Variants in AMPD3 observed in about 807,000 individuals in gnomAD.
AMPD3 encodes AMP deaminase 3.
AMPD3 carries 57 observed loss-of-function variants against 82.3 expected under a neutral mutation model. The observed-to-expected ratio is 0.69, with a 90% confidence interval of 0.56 to 0.86. The LOEUF (loss-of-function observed/expected upper bound fraction) is 0.86, where lower values mean the gene tolerates loss of function less well. AMPD3 is among the 40% of genes least tolerant of loss of function. The pLI, the probability that AMPD3 is intolerant of heterozygous loss-of-function variation, is 0.00. For missense variants in AMPD3, 870 were observed against 1,003.8 expected, an observed-to-expected ratio of 0.87 and a Z score of 1.80; for synonymous variants, 381 against 394.7, an observed-to-expected ratio of 0.97 and a Z score of 0.41.
intron 2 of AMPD3, among the ~76,000 whole-genome samples, chr11:10,475,385 T>A (rs1848709745): frequency 6.6e-6 from 1 of 152,108 alleles, no homozygotes; most frequent in South Asian, 2.1e-4. Context: ...GACATGAGAT[T>A]TGGGCAGAGA....
chr11:10,471,880 A>G, intron 2 of AMPD3, among the ~76,000 whole-genome samples: 1 of 152,246 alleles, frequency 6.6e-6, no homozygotes, highest in Non-Finnish European at 1.5e-5. Flanking sequence ...ATTGTGGAAG[A>G]CAGTGTGGCT....
chr11:10,480,613 G>C (rs1848876061), intron 3 of AMPD3, among the ~76,000 whole-genome samples: 2 of 147,256 alleles, frequency 1.4e-5, no homozygotes, highest in South Asian at 4.2e-4. Flanking sequence ...CTGAGGATGG[G>C]GTAGGGAGGA....
Position 10,487,310 on chromosome 11 carries a change from C to T in AMPD3, c.885C>T (p.Ser295=), listed in dbSNP as rs149271802. ...FSLHEMLNEM[S]EFKELKSNPH... Reference sequence around the variant, plus strand: ...TTCATGAGATGTTAAACGAAATGTCCGAGTTCAAAGAGTTGAAGAGTAACC... The same window carrying T: ...TTCATGAGATGTTAAACGAAATGTCTGAGTTCAAAGAGTTGAAGAGTAACC... Residue 295 remains serine, a synonymous_variant, in exon 6 of 15, where the codon TCC becomes TCT. Transcript: ENST00000396553. 1,492 of 1,613,974 alleles carry T rather than the reference C, an allele frequency of 9.2e-4. 4 individuals are homozygous for T. The highest frequency in any genetic ancestry group is 1.2e-3 in the Non-Finnish European group (1,374 of 1,180,012).
intron 10 of AMPD3, 175 bp from the exon 11 acceptor site, chr11:10,499,911 A>G (rs1318484586): frequency 1.0e-6 from 1 of 983,926 alleles, no homozygotes; most frequent in Non-Finnish European, 1.2e-6. Flanking sequence ...TGTTGTACCC[A>G]CTTTTCATCC....
chr11:10,478,098 C>G, intron 2 of AMPD3: 1 of 985,398 alleles, frequency 1.0e-6, no homozygotes. Context: ...TGAGACCGTT[C>G]ATATGTTGGG....
rs897264095 is a variant in AMPD3 at position 10,501,529 on chromosome 11, C to T, written c.1781C>T (p.Thr594Ile). 2 of 1,614,056 alleles carry T rather than the reference C, an allele frequency of 1.2e-6. No individual in the cohort carries two copies. The highest frequency in any genetic ancestry group is 1.7e-6 in the Non-Finnish European group (2 of 1,180,034). ...RPHCGEAGSI[T>I]HLVSAFLTAD... ...CACTGTGGGGAAGCCGGCTCCATCA[C>T]CCACCTGGTGTCTGCCTTCCTCACT... The change falls in exon 12 of 15, where the codon ACC becomes ATC. Residue 594 changes from threonine to isoleucine, a missense_variant. Thr to Ile is a moderately conservative substitution (Grantham distance 89). Transcript: ENST00000396553.
rs761075787 is a variant in AMPD3 at position 10,496,820 on chromosome 11, T to G, written c.1439T>G (p.Phe480Cys). Residue 480 changes from phenylalanine to cysteine, a missense_variant, in exon 10 of 15, where the codon TTT becomes TGT. Physicochemically the swap from Phe to Cys is radical, Grantham distance 205. Transcript: ENST00000396553. Reference protein sequence around the residue: ...IIQVPRIYDIFRSKKLLPNFG... With the variant: ...IIQVPRIYDICRSKKLLPNFG... ...TCTTTGCTGTCCCCCAGTGACATAT[T>G]TAGGTCAAAGAAGCTGCTGCCAAAC... is the stretch of plus-strand genomic sequence containing the variant. 6.2e-7 allele frequency: 1 copy of G among 1,614,116 alleles called. No homozygotes were observed. The highest frequency in any genetic ancestry group is 1.1e-5 in the South Asian group (1 of 91,082).
intron 2 of AMPD3, chr11:10,476,967 C>G: frequency 2.0e-6 from 2 of 985,430 alleles, no homozygotes; most frequent in Non-Finnish European, 1.2e-6. Flanking sequence ...TGAAAAGGAG[C>G]CACCTCTGTC....
At chr11:10,481,273 C>G (rs1039584731) in intron 3 of AMPD3, 1 of 183,080 alleles carries the variant, frequency 5.5e-6, no homozygotes, top group East Asian at 1.9e-4. Context: ...GCAGGCTGAG[C>G]ATGCAGAATT....
At chr11:10,501,708 T>C in intron 12 of AMPD3, 118 bp downstream of exon 12, 1 of 1,531,330 alleles carries the variant, frequency 6.5e-7, no homozygotes, top group Non-Finnish European at 8.8e-7. Context: ...TGTCTGTCCT[T>C]ATCTTGGTTT....
intron 9 of AMPD3, 132 bp downstream of exon 9, chr11:10,495,865 A>G (rs1425505491): frequency 8.8e-7 from 1 of 1,130,958 alleles, no homozygotes; most frequent in Non-Finnish European, 1.3e-6. Context: ...CTTTCCAGGG[A>G]TTTTTCCATA....
intron 2 of AMPD3, among the ~76,000 whole-genome samples, chr11:10,471,079 T>C (rs1591451365): frequency 6.6e-6 from 1 of 152,132 alleles, no homozygotes; most frequent in Non-Finnish European, 1.5e-5. Flanking sequence ...AAGGCTACAG[T>C]AAACAAAACA....
At position 10,491,130 on chromosome 11, in the gene AMPD3, G is replaced by A. The variant is rs534822267; in HGVS notation, c.940-2219G>A. On this transcript the variant is annotated intron_variant, in intron 6 of 14. Transcript: ENST00000396553. The stretch of plus-strand genomic sequence containing the variant: ...GTCAGCCGCCTCCTCACCCCAGCCC[G>A]GGCTGAGCGCCCAGTCGGCCGCAGC... 5.9e-5 allele frequency among the ~76,000 whole-genome samples: 9 copies of A among 152,294 alleles called. No individual in the cohort carries two copies. In the East Asian group the frequency reaches 1.2e-3, roughly 20 times the overall value.
intron 5 of AMPD3, among the ~76,000 whole-genome samples, chr11:10,486,406 G>C (rs953412187): frequency 1.3e-5 from 2 of 152,194 alleles, no homozygotes; most frequent in African/African-American, 2.4e-5. Context: ...CCATGCGGCT[G>C]TGGATGCAGG....
chr11:10,493,741 G>C, intron 7 of AMPD3, 198 bp downstream of exon 7: 1 of 697,194 alleles, frequency 1.4e-6, no homozygotes, highest in Admixed American at 2.1e-5. Context: ...AGGGTGTGTG[G>C]CTTGGGGCCT....
At chr11:10,490,434 G>A (rs1849207708) in intron 6 of AMPD3, 1 of 963,256 alleles carries the variant, frequency 1.0e-6, no homozygotes. Flanking sequence ...TTCGATTATT[G>A]ATGCCTGCCA....
At chr11:10,471,487 A>C (rs1848587993) in intron 2 of AMPD3, among the ~76,000 whole-genome samples, 1 of 152,250 alleles carries the variant, frequency 6.6e-6, no homozygotes, top group Admixed American at 6.5e-5. Flanking sequence ...TCTGCACAGC[A>C]AAAGAAACTA....
chr11:10,461,022 G>T (rs1475407557), intron 1 of AMPD3: 2 of 1,126,498 alleles, frequency 1.8e-6, no homozygotes, highest in East Asian at 1.3e-4. Flanking sequence ...ATGTAATGAA[G>T]AATGCAGCTT....
intron 10 of AMPD3, among the ~76,000 whole-genome samples, chr11:10,498,246 G>A (rs983820842): frequency 1.1e-4 from 16 of 152,288 alleles, no homozygotes; most frequent in African/African-American, 3.8e-4. Context: ...GGCAGGACCT[G>A]GACAGAGACT....
Sources: allele counts gnomAD v4.1 joint callset (sites outside exome capture counted in the v4.1 genomes callset), GRCh38; gene constraint gnomAD v4.1.1; transcripts MANE v1.5; gene names NCBI Gene and HGNC (gene_info 2026-07-23, HGNC 2026-07-21).